Variants in LRRC72 observed in about 807,000 individuals in gnomAD.
The protein encoded by LRRC72 is leucine rich repeat containing 72, also known as leucine-rich repeat-containing protein 72.
Under a neutral mutation model 35.8 loss-of-function variants are expected in LRRC72, and 41 were observed. That is an observed-to-expected ratio of 1.15 (90% confidence interval 0.89 to 1.49). The LOEUF is 1.49. LRRC72 is among the 40% of genes most tolerant of loss of function. The probability of loss-of-function intolerance (pLI) is 0.00; values close to 1 mark genes in which losing one functional copy is unlikely to be tolerated. For missense variants in LRRC72, 389 were observed against 330.7 expected (o/e 1.18, Z -1.37); for synonymous variants, 118 against 119.2 (o/e 0.99, Z 0.07).
chr7:16,575,130 A>AGGAGGGAG (rs537455420), intron 7 of LRRC72, among the ~76,000 whole-genome samples: 1 of 100,172 alleles, frequency 1.0e-5, no homozygotes. Flanking sequence ...AAGAAAGAAA[A>AGGAGGGAG]GGAGGGAGGG....
chr7:16,580,934 A>G (rs1459405466), intron 8 of LRRC72, among the ~76,000 whole-genome samples: 1 of 152,156 alleles, frequency 6.6e-6, no homozygotes, highest in East Asian at 1.9e-4. Flanking sequence ...CTCCATGTAC[A>G]TTTATAAAAT....
intron 1 of LRRC72, among the ~76,000 whole-genome samples, chr7:16,529,025 T>C (rs988295270): frequency 2.6e-5 from 4 of 152,194 alleles, no homozygotes; most frequent in Non-Finnish European, 5.9e-5. Context: ...TACATATACA[T>C]GTGTTTATAT....
At chr7:16,555,848 T>C (rs1322219019) in intron 3 of LRRC72, among the ~76,000 whole-genome samples, 1 of 152,152 alleles carries the variant, frequency 6.6e-6, no homozygotes, top group Non-Finnish European at 1.5e-5. Context: ...GTCAGGAACA[T>C]ATATTCTTGT....
rs887349896 is a variant in LRRC72 at position 16,548,108 on chromosome 7, C to G, written c.235-9252C>G. On this transcript the variant is annotated intron_variant, in intron 3 of 8. Transcript: ENST00000401542. The stretch of plus-strand genomic sequence containing the variant: ...CAGGACGACCAGCTGCAGAGAGGAG[C>G]TATCTTCTCTGCTGAGAGCTGGACA... Among the ~76,000 whole-genome samples the G allele has an allele frequency of 2.0e-5, 3 of 152,222 alleles. No individual in the cohort carries two copies. The South Asian group carries it at 6.2e-4, about 32-fold the overall frequency.
chr7:16,554,126 C>T (rs766828658), intron 3 of LRRC72, among the ~76,000 whole-genome samples: 2 of 152,058 alleles, frequency 1.3e-5, no homozygotes, highest in Non-Finnish European at 1.5e-5. Flanking sequence ...GTCAGGGGTT[C>T]GAGACCAGCC....
intron 3 of LRRC72, among the ~76,000 whole-genome samples, chr7:16,538,480 G>A (rs377721103): frequency 1.3e-5 from 2 of 152,254 alleles, no homozygotes; most frequent in East Asian, 3.9e-4. Flanking sequence ...AAAACTGAGG[G>A]TCTTTTGGCC....
At chr7:16,562,487 A>T (rs1782760301) in intron 5 of LRRC72, among the ~76,000 whole-genome samples, 1 of 152,346 alleles carries the variant, frequency 6.6e-6, no homozygotes, top group African/African-American at 2.4e-5. Flanking sequence ...AAGTATGCTT[A>T]AGACTCCTGC....
chr7:16,566,291 A>G lies in LRRC72; in HGVS notation c.428-22A>G, dbSNP rs1196908013. ...ACTGATTTTGAAATCTGACATTTTT[A>G]TTTTGGATTCTTCATTTGCAGGTCT... On this transcript the variant is annotated intron_variant, in intron 5 of 8. Coordinates refer to ENST00000401542, the MANE Select transcript of LRRC72 (RefSeq NM_001195280.2). The G allele has an allele frequency of 3.5e-6, 5 of 1,436,382 alleles. No homozygotes were observed. The Admixed American group carries it at 7.6e-5, about 22-fold the overall frequency. The allele number at this position is 1,436,382 out of a possible 1,614,324, so 89.0% of individuals were successfully genotyped here. A position where few individuals can be genotyped will look rare whatever the true frequency, so the allele number is the denominator to read the frequency against.
At chr7:16,563,849 C>T (rs762521794) in intron 5 of LRRC72, among the ~76,000 whole-genome samples, 11 of 152,130 alleles carry the variant, frequency 7.2e-5, no homozygotes, top group Admixed American at 1.3e-4. Context: ...TTTCTGATTT[C>T]GTGTCATTCA....
chr7:16,548,989 T>G (rs1056137148), intron 3 of LRRC72, among the ~76,000 whole-genome samples: 3 of 152,200 alleles, frequency 2.0e-5, no homozygotes, highest in African/African-American at 7.2e-5. Context: ...TCATGGCTGT[T>G]CCCCTCGAAC....
rs1192871769 is a variant in LRRC72 at position 16,527,075 on chromosome 7, C to G, written c.90+33C>G. 4 of 1,508,688 alleles carry G rather than the reference C, an allele frequency of 2.7e-6. No homozygotes were observed. In the South Asian group the frequency reaches 4.8e-5, roughly 18 times the overall value. The allele number at this position is 1,508,688 out of a possible 1,614,324, so 93.5% of individuals were successfully genotyped here. On this transcript the variant is annotated intron_variant, in intron 1 of 8. Transcript: ENST00000401542. ...GCACCTGCCTTCCCAAGCCATCAGC[C>G]CCTTTGGCCCCCTGCCCCAGGGCCC...
intron 3 of LRRC72, among the ~76,000 whole-genome samples, chr7:16,556,538 C>G (rs983105153): frequency 2.0e-5 from 3 of 152,156 alleles, no homozygotes; most frequent in Non-Finnish European, 2.9e-5. Context: ...AGCACTGCGC[C>G]TGATCTGGCA....
At chr7:16,555,086 C>T (rs764197452) in intron 3 of LRRC72, among the ~76,000 whole-genome samples, 6 of 152,308 alleles carry the variant, frequency 3.9e-5, no homozygotes, top group Non-Finnish European at 8.8e-5. Context: ...AACAGGGACA[C>T]TCACCTTCTG....
intron 5 of LRRC72, among the ~76,000 whole-genome samples, chr7:16,560,062 T>A (rs1782720043): frequency 6.6e-6 from 1 of 152,056 alleles, no homozygotes. Flanking sequence ...TCTTGAAGGG[T>A]AAATAAACAT....
chr7:16,544,710 A>G (rs1782414622), intron 3 of LRRC72, among the ~76,000 whole-genome samples: 1 of 152,226 alleles, frequency 6.6e-6, no homozygotes, highest in Non-Finnish European at 1.5e-5. Flanking sequence ...GATGTCCAAT[A>G]ATGACTATGC....
intron 7 of LRRC72, among the ~76,000 whole-genome samples, chr7:16,570,494 C>T (rs58538510): frequency 0.053 from 8,053 of 152,030 alleles, 732 homozygotes; most frequent in African/African-American, 0.18. Context: ...ACTCTCACAC[C>T]TTAGAAAAAA....
chr7:16,554,720 C>G (rs1303684566), intron 3 of LRRC72, among the ~76,000 whole-genome samples: 1 of 152,146 alleles, frequency 6.6e-6, no homozygotes, highest in African/African-American at 2.4e-5. Flanking sequence ...TCCCCCTTAC[C>G]TTCACAAACA....
At chr7:16,574,636 T>C (rs989960618) in intron 7 of LRRC72, among the ~76,000 whole-genome samples, 2 of 151,512 alleles carry the variant, frequency 1.3e-5, no homozygotes, top group East Asian at 3.9e-4. Context: ...CATCACACAC[T>C]GGGGCCTGTC....
chr7:16,530,886 A>G (rs1010877720), intron 1 of LRRC72, among the ~76,000 whole-genome samples: 1 of 152,146 alleles, frequency 6.6e-6, no homozygotes, highest in Admixed American at 6.5e-5. Context: ...CTGATAGTTG[A>G]CATCTTTAAG....
Sources: gnomAD v4.1 joint callset for allele counts (sites outside exome capture counted in the v4.1 genomes callset) on GRCh38, gnomAD v4.1.1 for gene constraint, MANE v1.5 for transcripts, NCBI Gene and HGNC (gene_info 2026-07-23, HGNC 2026-07-21) for gene names.